Variants in FBN2 observed in about 807,000 individuals in gnomAD.
FBN2 encodes fibrillin-2.
FBN2 carries 105 observed loss-of-function variants against 355.6 expected under a neutral mutation model. That is an observed-to-expected ratio of 0.30 (90% CI 0.25 to 0.35). The LOEUF (loss-of-function observed/expected upper bound fraction) is 0.35, where lower values mean the gene tolerates loss of function less well. Among genes scored for constraint, FBN2 ranks in the 10% least tolerant of loss-of-function variants. FBN2 has a pLI of 1.00. For synonymous variants in FBN2, 1,350 were observed against 1,301.2 expected (o/e 1.04, Z -0.81); for missense variants, 3,280 against 3,758.7 (o/e 0.87, Z 3.33).
At chr5:128,419,311 T>C (rs35498145) in intron 7 of FBN2, among the ~76,000 whole-genome samples, 4,434 of 152,278 alleles carry the variant, frequency 0.029, 91 homozygotes, top group Non-Finnish European at 0.044. Context: ...ATTTACCTAA[T>C]TGCATAATTG....
At chr5:128,499,278 T>C (rs1234784880) in intron 5 of FBN2, among the ~76,000 whole-genome samples, 1 of 152,166 alleles carries the variant, frequency 6.6e-6, no homozygotes, top group Non-Finnish European at 1.5e-5. Flanking sequence ...AATGTGAAAA[T>C]TGAATTATTG....
At chr5:128,382,924 T>C (rs1047717952) in intron 11 of FBN2, among the ~76,000 whole-genome samples, 1 of 152,138 alleles carries the variant, frequency 6.6e-6, no homozygotes, top group African/African-American at 2.4e-5. Flanking sequence ...GGGACACTTC[T>C]GTTCCCAGCC....
chr5:128,280,483 C>A (rs928772284), intron 55 of FBN2, among the ~76,000 whole-genome samples, 166 bp from the exon 56 acceptor site: 6 of 152,024 alleles, frequency 3.9e-5, no homozygotes, highest in Non-Finnish European at 5.9e-5. Flanking sequence ...AGCTTTACTT[C>A]ATCCTTCTTG....
In FBN2 at chr5:128,344,508, T is replaced by G; in HGVS notation, c.3220A>C (p.Ile1074Leu). ...CCAGGAAATGCTTTGCATTCATTGA[T>G]GTCTAAAAGCAGAATGAAGCCAGAA... ...VLTGRPFYKD[I>L]NECKAFPGMC... The change falls in exon 25 of 65, where the codon ATC (isoleucine) becomes CTC (leucine). Residue 1074 changes from isoleucine to leucine, a missense_variant and splice_region_variant. Around this residue, in one of 6 missense-constraint regions of FBN2, gnomAD observed 2,284 missense variants for 2,749.5 expected, o/e 0.83. Transcript: ENST00000262464. The G allele has an allele frequency of 3.1e-6, 5 of 1,613,734 alleles. No individual in the cohort carries two copies. Among genetic ancestry groups the G allele is most frequent in the Non-Finnish European group, 4.2e-6 (5 of 1,179,776 alleles).
chr5:128,416,327 A>G (rs975676122), intron 7 of FBN2, among the ~76,000 whole-genome samples: 1 of 152,146 alleles, frequency 6.6e-6, no homozygotes, highest in African/African-American at 2.4e-5. Flanking sequence ...GCCCGAACCC[A>G]TAGTTTGCAA....
chr5:128,382,121 T>C (rs1392898874), intron 11 of FBN2, among the ~76,000 whole-genome samples: 2 of 152,030 alleles, frequency 1.3e-5, no homozygotes, highest in African/African-American at 2.4e-5. Flanking sequence ...GTTAATATTA[T>C]GAATAAATAA....
intron 48 of FBN2, among the ~76,000 whole-genome samples, chr5:128,297,935 T>C (rs1361166424): frequency 2.0e-5 from 3 of 151,954 alleles, no homozygotes; most frequent in Non-Finnish European, 4.4e-5. Flanking sequence ...CTAGTCTCGA[T>C]GGTCTTTACA....
Position 128,393,340 on chromosome 5 carries a change from T to C in FBN2, c.1260A>G (p.Gly420=), listed in dbSNP as rs766241911. Residue 420 remains glycine, a synonymous_variant, in exon 10 of 65, where the codon GGA becomes GGG. Coordinates refer to ENST00000262464, the MANE Select transcript of FBN2 (RefSeq NM_001999.4). ...TCCCTGGAATTCCTCCCATTGGAAG[T>C]CCATCCATGCAAAGTCTGCGATATT... The part of the protein sequence containing the change: ...SEEYRRLCMD[G]LPMGGIPGSA... 6.2e-7 allele frequency: 1 copy of C among 1,614,158 alleles called. No homozygotes were observed. Among genetic ancestry groups the C allele is most frequent in the South Asian group, 1.1e-5 (1 of 91,086 alleles).
At chr5:128,409,453 T>C (rs539856323) in intron 7 of FBN2, among the ~76,000 whole-genome samples, 1 of 152,292 alleles carries the variant, frequency 6.6e-6, no homozygotes, top group South Asian at 2.1e-4. Flanking sequence ...TCTATTTCCT[T>C]TCCCATTAAT....
At chr5:128,499,600 A>T (rs1431391207) in intron 5 of FBN2, among the ~76,000 whole-genome samples, 1 of 152,200 alleles carries the variant, frequency 6.6e-6, no homozygotes, top group East Asian at 1.9e-4. Flanking sequence ...TCTCCAAGGA[A>T]CAGATGTGGG....
chr5:128,519,942 C>T (rs181549550), intron 4 of FBN2, among the ~76,000 whole-genome samples: 3 of 151,898 alleles, frequency 2.0e-5, no homozygotes, highest in South Asian at 2.1e-4. Context: ...GGGAAAATAC[C>T]ATCAACGTTA....
At chr5:128,516,683 C>T (rs1288527086) in intron 5 of FBN2, among the ~76,000 whole-genome samples, 1 of 151,890 alleles carries the variant, frequency 6.6e-6, no homozygotes, top group African/African-American at 2.4e-5. Context: ...ATTAAGATAA[C>T]AAAGAACATA....
intron 25 of FBN2, among the ~76,000 whole-genome samples, chr5:128,340,963 C>T (rs1038662005): frequency 6.6e-6 from 1 of 152,016 alleles, no homozygotes; most frequent in African/African-American, 2.4e-5. Context: ...AGAGATGAAG[C>T]GCACCGGTGA....
intron 21 of FBN2, 128 bp downstream of exon 21, chr5:128,350,740 G>T (rs1581234666): frequency 1.9e-6 from 2 of 1,072,276 alleles, no homozygotes; most frequent in East Asian, 2.5e-5. Context: ...AGCCAGGAAA[G>T]ATAACATTTT....
At chr5:128,526,808 G>A (rs938439825) in intron 4 of FBN2, among the ~76,000 whole-genome samples, 1 of 152,120 alleles carries the variant, frequency 6.6e-6, no homozygotes. Flanking sequence ...ATGGATGGTG[G>A]TGATGGTTAC....
chr5:128,351,705 T>A (rs1751373151), intron 20 of FBN2, among the ~76,000 whole-genome samples: 2 of 152,080 alleles, frequency 1.3e-5, no homozygotes, highest in Admixed American at 6.5e-5. Context: ...CTATTGATAT[T>A]CTAAGAGGAG....
At chr5:128,333,070 T>C (rs567588127) in intron 31 of FBN2, 36 bp from the exon 32 acceptor site, 2 of 1,565,238 alleles carry the variant, frequency 1.3e-6, no homozygotes, top group African/African-American at 1.4e-5. Flanking sequence ...AAAATCAAAA[T>C]ACAAACTAAT....
chr5:128,368,477 C>T (rs1380987391), intron 16 of FBN2, among the ~76,000 whole-genome samples: 2 of 144,278 alleles, frequency 1.4e-5, no homozygotes, highest in African/African-American at 2.6e-5. Context: ...CATATATATA[C>T]ATATATATAC....
At chr5:128,371,250 C>T (rs1751926322) in intron 15 of FBN2, 2 of 152,066 alleles carry the variant, frequency 1.3e-5, no homozygotes, top group African/African-American at 4.8e-5. Flanking sequence ...CAACCTAGCT[C>T]ATATTATACT....
Sources: allele counts gnomAD v4.1 joint callset (sites outside exome capture counted in the v4.1 genomes callset), GRCh38; gene constraint gnomAD v4.1.1; regional missense constraint gnomAD v4.1.1; transcripts MANE v1.5; gene names NCBI Gene and HGNC (gene_info 2026-07-23, HGNC 2026-07-21).